The following COBLL1 variants were observed in gnomAD, a reference collection of about 807,000 sequenced individuals.
COBLL1 encodes the protein cordon-bleu WH2 repeat protein like 1, also known as cordon-bleu protein-like 1.
Under a neutral mutation model 94.8 loss-of-function variants are expected in COBLL1, and 50 were observed. The observed-to-expected ratio is 0.53, with a 90% CI of 0.42 to 0.67. The LOEUF (loss-of-function observed/expected upper bound fraction) is 0.67, where lower values mean the gene tolerates loss of function less well. Ranked by LOEUF, COBLL1 falls within the 30% of genes least tolerant of loss-of-function variation. COBLL1 has a pLI of 0.00. For missense variants in COBLL1, 1,362 were observed against 1,348.7 expected (o/e 1.01, Z -0.15); for synonymous variants, 448 against 473.8 (o/e 0.95, Z 0.71).
chr2:164,780,720 A>G (rs893419865), intron 2 of COBLL1, among the ~76,000 whole-genome samples: 1 of 152,150 alleles, frequency 6.6e-6, no homozygotes, highest in Admixed American at 6.6e-5. Context: ...TTTATGCCTT[A>G]TTTAGAAACC....
intron 3 of COBLL1, among the ~76,000 whole-genome samples, chr2:164,733,278 A>G (rs1027063892): frequency 2.0e-5 from 3 of 152,210 alleles, no homozygotes; most frequent in African/African-American, 4.8e-5. Context: ...TAGTGTGGGT[A>G]ATTGGTTAAG....
chr2:164,776,791 T>A (rs984371740), intron 2 of COBLL1, among the ~76,000 whole-genome samples: 1 of 152,128 alleles, frequency 6.6e-6, no homozygotes, highest in Non-Finnish European at 1.5e-5. Context: ...ACTATTTATA[T>A]AAATTGTGAT....
At chr2:164,702,605 G>T (rs1055612891) in intron 9 of COBLL1, among the ~76,000 whole-genome samples, 12 of 148,436 alleles carry the variant, frequency 8.1e-5, no homozygotes, top group Middle Eastern at 7.0e-3. Flanking sequence ...TGAAAACTCT[G>T]TATTGAAAAA....
chr2:164,704,952 C>T lies in COBLL1; in HGVS notation c.1150G>A (p.Ala384Thr), dbSNP rs777148174. 1 of 1,570,516 alleles carries T rather than the reference C, an allele frequency of 6.4e-7. No individual in the cohort carries two copies. The highest frequency in any genetic ancestry group is 2.3e-5 in the East Asian group (1 of 43,944). ...AATGTTAATGAAACAACCACATTAC[C>T]AGTCACACGACTATTTTCATCACTT... ...HQSDENSRVTALQPVDGVPPD... is the reference protein window; with the variant it reads ...HQSDENSRVTTLQPVDGVPPD... Residue 384 changes from alanine to threonine, a missense_variant and splice_region_variant, in exon 8 of 14, where the codon GCC becomes ACC. Coordinates refer to ENST00000652658, the MANE Select transcript of COBLL1 (RefSeq NM_001365672.2).
At position 164,684,943 on chromosome 2, in the gene COBLL1, T is replaced by C. The variant is rs1347858610; in HGVS notation, c.*1003A>G. 1 of 152,202 alleles carries C rather than the reference T, an allele frequency of 6.6e-6. No homozygotes were observed. Among genetic ancestry groups the C allele is most frequent in the Non-Finnish European group, 1.5e-5 (1 of 68,032 alleles). 9.4% of individuals were successfully genotyped at this position (152,202 alleles called of 1,614,324 possible). ...CAGGCTCTAGACTCCGGAAGAGCTG[T>C]AAGCCGACAAATGGGCATTGTTTTG... On this transcript the variant is annotated 3_prime_UTR_variant, in exon 14 of 14. Coordinates refer to ENST00000652658, the MANE Select transcript of COBLL1 (RefSeq NM_001365672.2).
intron 2 of COBLL1, among the ~76,000 whole-genome samples, chr2:164,774,418 C>A (rs1456861733): frequency 6.6e-6 from 1 of 152,156 alleles, no homozygotes; most frequent in African/African-American, 2.4e-5. Flanking sequence ...AGAATTTAAA[C>A]AGCTAGATTT....
chr2:164,818,039 T>C (rs1243623955), intron 2 of COBLL1, among the ~76,000 whole-genome samples: 2 of 151,958 alleles, frequency 1.3e-5, no homozygotes, highest in Non-Finnish European at 2.9e-5. Context: ...TAAATGAAGA[T>C]ATCAATCCTT....
chr2:164,841,181 G>A lies in COBLL1; in HGVS notation c.16C>T (p.Pro6Ser). Residue 6 changes from proline (P) to serine (S), a missense_variant, in exon 2 of 14, where the codon CCG becomes TCG. Pro to Ser is a moderately conservative substitution (Grantham distance 74, BLOSUM62 -1). Transcript: ENST00000652658. The surrounding 1 kb of genome is among the most constrained non-coding windows in gnomAD (Gnocchi z 5.5). MDGRT[P>S]RPQDAPARRK... ...CTGGCTGGGGCGTCCTGCGGGCGCGGGGTTCGGCCGTCCATCGCCCTGCGG... is the reference window on the plus strand; with the variant it reads ...CTGGCTGGGGCGTCCTGCGGGCGCGAGGTTCGGCCGTCCATCGCCCTGCGG... 1 of 1,232,494 alleles carries A rather than the reference G, an allele frequency of 8.1e-7. No individual in the cohort carries two copies. The highest frequency in any genetic ancestry group is 4.2e-5 in the Admixed American group (1 of 23,660). The allele number at this position is 1,232,494 out of a possible 1,614,324, so 76.3% of individuals were successfully genotyped here.
At chr2:164,814,999 G>A (rs1338597886) in intron 2 of COBLL1, among the ~76,000 whole-genome samples, 1 of 152,064 alleles carries the variant, frequency 6.6e-6, no homozygotes, top group Non-Finnish European at 1.5e-5. Flanking sequence ...TTGACTTCTT[G>A]AGCTAATGAG....
chr2:164,686,584 A>G (rs1683304815), intron 13 of COBLL1, among the ~76,000 whole-genome samples: 1 of 150,858 alleles, frequency 6.6e-6, no homozygotes, highest in Non-Finnish European at 1.5e-5. Context: ...AAATGACTGA[A>G]GACTGAAAAG....
chr2:164,713,432 GA>G (rs1335295677), intron 7 of COBLL1, among the ~76,000 whole-genome samples: 1 of 152,118 alleles, frequency 6.6e-6, no homozygotes, highest in East Asian at 1.9e-4. Flanking sequence ...CCAATCTGCT[GA>G]AATAAATATT....
chr2:164,836,792 T>C (rs1683339327), intron 2 of COBLL1, among the ~76,000 whole-genome samples: 1 of 152,240 alleles, frequency 6.6e-6, no homozygotes, highest in South Asian at 2.1e-4. Context: ...TGATATCTAC[T>C]TAATCAATGA....
At position 164,694,726 on chromosome 2, in the gene COBLL1, T is replaced by A. The variant is rs767734106; in HGVS notation, c.2666A>T (p.His889Leu). Residue 889 changes from histidine (H) to leucine (L), a missense_variant, in exon 12 of 14, where the codon CAT (histidine) becomes CTT (leucine). By Grantham distance (99) the His-to-Leu change is moderately conservative. Coordinates refer to ENST00000652658, the MANE Select transcript of COBLL1 (RefSeq NM_001365672.2). ...YVTSAAAKSV[H>L]AAPNPAPKEL... ...TTTTGGAGCAGGATTAGGGGCAGCATGGACACTCTTGGCAGCTGCAGATGT... is the reference window on the plus strand; with the variant it reads ...TTTTGGAGCAGGATTAGGGGCAGCAAGGACACTCTTGGCAGCTGCAGATGT... The A allele has an allele frequency of 1.9e-6, 3 of 1,613,802 alleles. No individual in the cohort carries two copies. Among genetic ancestry groups the A allele is most frequent in the Non-Finnish European group, 2.5e-6 (3 of 1,179,912 alleles).
In COBLL1 at chr2:164,800,701, C is replaced by A. The variant is rs190620919; in HGVS notation, c.41+40455G>T. Reference sequence around the variant, plus strand: ...ATAAAGAAACTGCAGTACATCCATACTACAAAATACTACACTTAGCTATAA... The same window carrying A: ...ATAAAGAAACTGCAGTACATCCATAATACAAAATACTACACTTAGCTATAA... On this transcript the variant is annotated intron_variant, in intron 2 of 13. Coordinates refer to ENST00000652658, the MANE Select transcript of COBLL1 (RefSeq NM_001365672.2). The A allele has an allele frequency of 3.6e-5, 22 of 605,652 alleles. No homozygotes were observed. In the African/African-American group the frequency reaches 3.7e-4, roughly 10 times the overall value. The allele number at this position is 605,652 out of a possible 1,614,324, so 37.5% of individuals were successfully genotyped here.
downstream of COBLL1, among the ~76,000 whole-genome samples, chr2:164,675,576 A>C (rs1318242882): frequency 6.6e-6 from 1 of 152,172 alleles, no homozygotes; most frequent in African/African-American, 2.4e-5. Context: ...AAATAAAACA[A>C]AATGATTTTT....
At chr2:164,693,196 T>C (rs1683711029) in intron 12 of COBLL1, among the ~76,000 whole-genome samples, 1 of 152,178 alleles carries the variant, frequency 6.6e-6, no homozygotes, top group Admixed American at 6.5e-5. Context: ...TGTTTAGGAA[T>C]GGTATTCTAT....
intron 2 of COBLL1, among the ~76,000 whole-genome samples, chr2:164,823,287 A>G (rs1398968352): frequency 6.6e-6 from 1 of 152,192 alleles, no homozygotes; most frequent in African/African-American, 2.4e-5. Flanking sequence ...TATCTGACGC[A>G]TTGTTTATTT....
At chr2:164,813,942 G>A (rs1473454963) in intron 2 of COBLL1, among the ~76,000 whole-genome samples, 3 of 152,192 alleles carry the variant, frequency 2.0e-5, no homozygotes, top group Non-Finnish European at 2.9e-5. Flanking sequence ...CAGAGGCTGT[G>A]AGAATCAAGT....
intron 1 of COBLL1, among the ~76,000 whole-genome samples, chr2:164,670,623 A>G (rs1360474299): frequency 6.6e-6 from 1 of 152,074 alleles, no homozygotes; most frequent in African/African-American, 2.4e-5. Context: ...AAAATATAAC[A>G]TGTGCAGATT....
Sources: gnomAD v4.1 joint callset for allele counts (sites outside exome capture counted in the v4.1 genomes callset) on GRCh38, gnomAD v4.1.1 for gene constraint, Gnocchi (gnomAD v3.1) non-coding constraint, MANE v1.5 for transcripts, NCBI Gene and HGNC (gene_info 2026-07-23, HGNC 2026-07-21) for gene names.